The following MGST1 variants were observed in gnomAD, a reference collection of about 807,000 sequenced individuals.
The protein encoded by MGST1 is glutathione S-transferase 12.
In MGST1, 5 loss-of-function variants were observed where a neutral mutation model predicts 8.9. That is an observed-to-expected ratio of 0.56 (90% CI 0.29 to 1.19). The LOEUF is 1.19. Ranked by LOEUF, MGST1 falls within the 50% of genes most tolerant of loss-of-function variation. MGST1 has a pLI of 0.08. For missense variants in MGST1, 182 were observed against 187.4 expected, an observed-to-expected ratio of 0.97 and a Z score of 0.17; for synonymous variants, 54 against 67.8, an observed-to-expected ratio of 0.80 and a Z score of 1.00.
chr12:16,560,559 T>C lies in MGST1; in HGVS notation n.483-28969T>C. 1 of 1,601,718 alleles carries C rather than the reference T, an allele frequency of 6.2e-7. No individual in the cohort carries two copies. ...AGAGCCTAGAATAAGAAACATTTTT[T>C]TTTTTTTACAAACTCTTACAGAGAA... On this transcript the variant is annotated intron_variant and non_coding_transcript_variant, in intron 4 of 4. Transcript: ENST00000538857. The surrounding 1 kb of genome is among the most constrained non-coding windows in gnomAD (Gnocchi z 5.0).
intron 4 of MGST1, among the ~76,000 whole-genome samples, chr12:16,478,918 C>T (rs983608258): frequency 1.3e-5 from 2 of 152,030 alleles, no homozygotes; most frequent in African/African-American, 4.8e-5. Context: ...AAAACATTTC[C>T]GTTGTTCCAA....
intron 1 of MGST1, among the ~76,000 whole-genome samples, chr12:16,430,049 A>G (rs1010729936): frequency 3.9e-5 from 6 of 152,204 alleles, no homozygotes; most frequent in African/African-American, 1.4e-4. Context: ...CTTTGTTGTC[A>G]TTTCAACAAT....
At chr12:16,561,941 T>C (rs1942421407) in intron 4 of MGST1, among the ~76,000 whole-genome samples, 1 of 152,198 alleles carries the variant, frequency 6.6e-6, no homozygotes, top group Admixed American at 6.5e-5. Flanking sequence ...TTCAAGAAGA[T>C]CAAATTCATA....
chr12:16,571,325 T>C (rs760917980), intron 4 of MGST1, among the ~76,000 whole-genome samples: 1 of 152,114 alleles, frequency 6.6e-6, no homozygotes, highest in Non-Finnish European at 1.5e-5. Flanking sequence ...CTAAGATTCA[T>C]GAAGCATATT....
At chr12:16,442,182 C>T (rs1219917267), downstream of MGST1, among the ~76,000 whole-genome samples, 2 of 151,714 alleles carry the variant, frequency 1.3e-5, no homozygotes, top group Admixed American at 6.6e-5. The surrounding 1 kb of genome is among the most constrained non-coding windows in gnomAD (Gnocchi z 4.5). Flanking sequence ...CATTGTTGAG[C>T]TTTAAGTTTT....
chr12:16,562,227 T>C (rs1391598301), intron 4 of MGST1, among the ~76,000 whole-genome samples: 1 of 152,188 alleles, frequency 6.6e-6, no homozygotes, highest in Admixed American at 6.5e-5. Flanking sequence ...TATTTTTCAG[T>C]GTACTTAACA....
intron 2 of MGST1, among the ~76,000 whole-genome samples, chr12:16,357,109 T>C (rs1417747688): frequency 1.3e-5 from 2 of 152,230 alleles, no homozygotes; most frequent in African/African-American, 4.8e-5. Flanking sequence ...CTTTGCATTG[T>C]TAATAAAAAT....
At chr12:16,382,550 T>TG (rs1029212079), upstream of MGST1, among the ~76,000 whole-genome samples, 9 of 151,670 alleles carry the variant, frequency 5.9e-5, no homozygotes, top group African/African-American at 1.9e-4. Flanking sequence ...CCGCCCCTAC[T>TG]GGGGGGGTGC....
intron 2 of MGST1, 36 bp from the exon 3 acceptor site, chr12:16,357,569 A>G (rs764732303): frequency 1.9e-6 from 3 of 1,538,630 alleles, no homozygotes; most frequent in Admixed American, 1.7e-5. Context: ...CCTGGCCAGT[A>G]TTTGAAATAA....
At chr12:16,557,999 A>G (rs914007138) in intron 4 of MGST1, among the ~76,000 whole-genome samples, 1 of 152,096 alleles carries the variant, frequency 6.6e-6, no homozygotes, top group Admixed American at 6.5e-5. Context: ...CAACTTATAT[A>G]TCTGATGATA....
At chr12:16,358,808 T>TTTTTTTTTTTA (rs1565436388) in intron 3 of MGST1, among the ~76,000 whole-genome samples, 1 of 106,946 alleles carries the variant, frequency 9.4e-6, no homozygotes, top group East Asian at 2.2e-4. Flanking sequence ...TTTTTTTTTT[T>TTTTTTTTTTTA]ACAGCTGTGT....
At chr12:16,591,274 T>C (rs1216370929), downstream of MGST1, among the ~76,000 whole-genome samples, 2 of 151,996 alleles carry the variant, frequency 1.3e-5, no homozygotes, top group Non-Finnish European at 2.9e-5. The surrounding 1 kb of genome is among the most constrained non-coding windows in gnomAD (Gnocchi z 4.1). Context: ...TTGTACTGGA[T>C]GTTCCTGAGC....
At chr12:16,487,214 T>C (rs1166491929) in intron 4 of MGST1, among the ~76,000 whole-genome samples, 1 of 152,192 alleles carries the variant, frequency 6.6e-6, no homozygotes, top group Non-Finnish European at 1.5e-5. Context: ...TCCCTTCCAC[T>C]GGGTGAGTAA....
At chr12:16,406,288 A>T (rs1217635666) in intron 1 of MGST1, among the ~76,000 whole-genome samples, 1 of 152,206 alleles carries the variant, frequency 6.6e-6, no homozygotes, top group Non-Finnish European at 1.5e-5. Flanking sequence ...TTGAGAGCCA[A>T]ATCAGGAACA....
chr12:16,550,579 AC>A, intron 4 of MGST1: 1 of 152,270 alleles, frequency 6.6e-6, no homozygotes, highest in South Asian at 2.1e-4. Context: ...CTGATTTTTA[AC>A]CCCCTGAAAA....
rs1463994919 is a variant in MGST1, at chr12:16,502,444, G to GTTTACCA, written n.483-87072_483-87066dup. On this transcript the variant is annotated intron_variant and non_coding_transcript_variant, in intron 4 of 4. Transcript: ENST00000538857. ...TGAAGTTTTAGCCCACAAATTTTTA[G>GTTTACCA]TTTACCATTTACCATTTATTGAGGC... Among the ~76,000 whole-genome samples the GTTTACCA allele has an allele frequency of 4.6e-5, 7 of 152,110 alleles. 2 individuals carry two copies. Among genetic ancestry groups the GTTTACCA allele is most frequent in the Admixed American group, 4.6e-4 (7 of 15,290 alleles).
At chr12:16,420,837 A>G (rs147313869) in intron 1 of MGST1, among the ~76,000 whole-genome samples, 1 of 152,270 alleles carries the variant, frequency 6.6e-6, no homozygotes, top group African/African-American at 2.4e-5. Flanking sequence ...GTGCCTCAGC[A>G]TCCATTATAG....
chr12:16,487,403 A>G (rs1354851261), intron 4 of MGST1, among the ~76,000 whole-genome samples: 1 of 152,106 alleles, frequency 6.6e-6, no homozygotes, highest in Non-Finnish European at 1.5e-5. Context: ...GAAGAGAAAA[A>G]GAAGAAAGAC....
chr12:16,371,657 CA>C (rs1940295412), intron 3 of MGST1, among the ~76,000 whole-genome samples: 2 of 152,056 alleles, frequency 1.3e-5, no homozygotes, highest in African/African-American at 4.8e-5. Flanking sequence ...CCATTCTTCT[CA>C]TTAGTAGATC....
Sources: allele counts gnomAD v4.1 joint callset (sites outside exome capture counted in the v4.1 genomes callset), GRCh38; gene constraint gnomAD v4.1.1; non-coding constraint Gnocchi (gnomAD v3.1); transcripts MANE v1.5; gene names NCBI Gene and HGNC (gene_info 2026-07-23, HGNC 2026-07-21).